Variants in MROH2A observed in about 807,000 individuals in gnomAD.
The protein encoded by MROH2A is maestro heat-like repeat-containing protein family member 2A.
A neutral mutation model predicts 200.4 loss-of-function variants in MROH2A; 174 were observed. That is an observed-to-expected ratio of 0.87 (90% CI 0.77 to 0.98). The LOEUF (loss-of-function observed/expected upper bound fraction) is 0.98. Ranked by LOEUF, MROH2A falls within the 50% of genes least tolerant of loss-of-function variation. The pLI, the probability that MROH2A is intolerant of heterozygous loss-of-function variation, is 0.00. For missense variants in MROH2A, 2,045 were observed against 2,139.6 expected (o/e 0.96, Z 0.87); for synonymous variants, 829 against 840.4 (o/e 0.99, Z 0.23).
At chr2:233,782,758 G>A (rs940651099) in intron 3 of MROH2A, among the ~76,000 whole-genome samples, 2 of 152,132 alleles carry the variant, frequency 1.3e-5, no homozygotes, top group Non-Finnish European at 1.5e-5. Context: ...ATGTTGAAGA[G>A]CAGTGGTAAA....
rs1049011861 is a variant in MROH2A, at chr2:233,818,108, G to A, written c.3068G>A (p.Ser1023Asn). The A allele has an allele frequency of 2.6e-6, 4 of 1,550,638 alleles. No homozygotes were observed. In the African/African-American group the frequency reaches 5.5e-5, roughly 21 times the overall value. Residue 1023 changes from serine to asparagine, a missense_variant, in exon 28 of 42, where the codon AGC (serine) becomes AAC (asparagine). Physicochemically the swap from Ser to Asn is conservative, Grantham distance 46 (BLOSUM62 1). Transcript: ENST00000389758. ...TRMASMNVLS[S>N]LLDLHASQTC... ...ATGGCCTCAATGAATGTCCTGTCCA[G>A]CCTGCTAGATCTTCACGGTATGAGA...
At position 233,813,822 on chromosome 2, in the gene MROH2A, G is replaced by A. The variant is rs77711235; in HGVS notation, c.2760+44G>A. 9.6e-3 allele frequency: 10,748 copies of A among 1,124,706 alleles called. 620 individuals are homozygous for A. The East Asian group carries it at 0.16, about 17-fold the overall frequency. 69.7% of individuals were successfully genotyped at this position (1,124,706 alleles called of 1,614,324 possible). A position where few individuals can be genotyped will look rare whatever the true frequency, so the allele number is the denominator to read the frequency against. On this transcript the variant is annotated intron_variant, in intron 25 of 41. Transcript: ENST00000389758. The stretch of plus-strand genomic sequence containing the variant: ...CCTCATTTGCTGGGTCAGGACCTGG[G>A]AGTTAACATTAACATGGGCCATGCT...
At chr2:233,796,500 A>AC (rs1702121491) in intron 11 of MROH2A, among the ~76,000 whole-genome samples, 187 bp downstream of exon 11, 1 of 151,780 alleles carries the variant, frequency 6.6e-6, no homozygotes, top group Non-Finnish European at 1.5e-5. Flanking sequence ...ACTGTGGCTT[A>AC]CCCTCCCCAC....
intron 3 of MROH2A, among the ~76,000 whole-genome samples, chr2:233,785,036 C>T (rs1701128006): frequency 6.6e-6 from 1 of 152,064 alleles, no homozygotes; most frequent in Non-Finnish European, 1.5e-5. Flanking sequence ...ATCCCAGCTA[C>T]CCGGGAGGCT....
At chr2:233,811,779 A>G (rs1012202057) in intron 23 of MROH2A, 101 bp from the exon 24 acceptor site, 2 of 769,658 alleles carry the variant, frequency 2.6e-6, no homozygotes, top group East Asian at 2.7e-5. Context: ...GTGGGGTGTT[A>G]GACACTTTGG....
At chr2:233,808,575 A>G (rs1438753999) in intron 21 of MROH2A, among the ~76,000 whole-genome samples, 1 of 152,222 alleles carries the variant, frequency 6.6e-6, no homozygotes, top group Non-Finnish European at 1.5e-5. Flanking sequence ...GCTTTTCTGC[A>G]AAGAGGACCC....
At position 233,822,974 on chromosome 2, in the gene MROH2A, G is replaced by A; in HGVS notation, c.3960G>A (p.Leu1320=). Residue 1320 remains leucine (L), a synonymous_variant, in exon 34 of 42, where the codon CTG becomes CTA. Transcript: ENST00000389758. ...ACGAGCAGGCAGTGTGGGACCTCCT[G>A]CAGGACGGCGGGACATTCCTGGAGG... ...TLDEQAVWDL[L]QDGGTFLEGV... 2 of 1,550,568 alleles carry A rather than the reference G, an allele frequency of 1.3e-6. No individual in the cohort carries two copies. The highest frequency in any genetic ancestry group is 1.7e-6 in the Non-Finnish European group (2 of 1,146,982).
upstream of MROH2A, among the ~76,000 whole-genome samples, chr2:233,776,806 C>T (rs187785207): frequency 6.6e-6 from 1 of 152,316 alleles, no homozygotes; most frequent in African/African-American, 2.4e-5. Context: ...ATTTCTCCAG[C>T]CTGTGGGTCC....
Position 233,833,136 on chromosome 2 carries a change from A to G in MROH2A, c.4904-2A>G. ...ACCTTCCCTCTTTGTGTTCTCTCTC[A>G]GCCCTCCAGGAACTACAGCTGGACC... On this transcript the variant is annotated splice_acceptor_variant, in intron 41 of 41. Coordinates refer to ENST00000389758, the MANE Select transcript of MROH2A (RefSeq NM_001394639.1). LOFTEE classifies it high-confidence loss of function. 1 of 1,542,220 alleles carries G rather than the reference A, an allele frequency of 6.5e-7. No individual in the cohort carries two copies. The highest frequency in any genetic ancestry group is 8.7e-7 in the Non-Finnish European group (1 of 1,143,804).
At position 233,795,549 on chromosome 2, in the gene MROH2A, A is replaced by G. The variant is rs375001635; in HGVS notation, c.967-104A>G. 2.4e-5 allele frequency: 37 copies of G among 1,512,090 alleles called. No individual in the cohort carries two copies. The African/African-American group carries it at 4.1e-4, about 17-fold the overall frequency. The allele number at this position is 1,512,090 out of a possible 1,614,324, so 93.7% of individuals were successfully genotyped here. A position where few individuals can be genotyped will look rare whatever the true frequency, so the allele number is the denominator to read the frequency against. On this transcript the variant is annotated intron_variant, in intron 8 of 41. Coordinates refer to ENST00000389758, the MANE Select transcript of MROH2A (RefSeq NM_001394639.1). ...TGCATTTCTAATCAGCTCCCAGGGA[A>G]TGCTGGTGCTCAGTGGGTCAGTGGG...
rs772393040 is a variant in MROH2A at position 233,822,154 on chromosome 2, G to A, written c.3543G>A (p.Ser1181=). Residue 1181 remains serine (S), a synonymous_variant, in exon 32 of 42, where the codon TCG becomes TCA. Transcript: ENST00000389758. ...SHLAEVWLAV[S]ENVPFARTML... ...TGGCAGAGGTGTGGCTGGCAGTGTCGGAGAACGTGCCCTTCGCCCGGACCA... is the reference window on the plus strand; with the variant it reads ...TGGCAGAGGTGTGGCTGGCAGTGTCAGAGAACGTGCCCTTCGCCCGGACCA... The A allele has an allele frequency of 3.2e-5, 50 of 1,549,910 alleles. No homozygotes were observed. Among genetic ancestry groups the A allele is most frequent in the East Asian group, 2.0e-4 (8 of 40,932 alleles).
chr2:233,787,018 A>G (rs1023579775), intron 3 of MROH2A, among the ~76,000 whole-genome samples: 1 of 152,172 alleles, frequency 6.6e-6, no homozygotes, highest in Non-Finnish European at 1.5e-5. Context: ...ACAGAGATGT[A>G]AAGTAGCCTT....
At chr2:233,827,295 A>G (rs928783432) in intron 35 of MROH2A, among the ~76,000 whole-genome samples, 5 of 152,212 alleles carry the variant, frequency 3.3e-5, no homozygotes, top group African/African-American at 7.2e-5. Flanking sequence ...AGCACTATTC[A>G]CAATAACAAA....
intron 5 of MROH2A, 63 bp downstream of exon 5, chr2:233,790,077 C>T (rs2126100576): frequency 7.1e-7 from 1 of 1,403,920 alleles, no homozygotes. Flanking sequence ...CTCTCTCTGC[C>T]CCTCCCATCT....
intron 38 of MROH2A, 63 bp from the exon 39 acceptor site, chr2:233,831,346 T>G: frequency 6.8e-7 from 1 of 1,478,848 alleles, no homozygotes; most frequent in Non-Finnish European, 9.0e-7. Context: ...CCTGCCAGCC[T>G]CACCCCTCTG....
intron 19 of MROH2A, among the ~76,000 whole-genome samples, chr2:233,806,966 G>A (rs886144417): frequency 1.3e-5 from 2 of 151,748 alleles, no homozygotes; most frequent in South Asian, 2.1e-4. Flanking sequence ...CCCTGAGTCC[G>A]CAAAGTCCAT....
upstream of MROH2A, chr2:233,778,306 C>T (rs919310508): frequency 6.0e-6 from 1 of 166,946 alleles, no homozygotes; most frequent in East Asian, 1.9e-4. Flanking sequence ...TCTAGTGAAA[C>T]CCTCCCACCC....
intron 26 of MROH2A, 31 bp downstream of exon 26, chr2:233,814,708 G>C: frequency 6.8e-7 from 1 of 1,461,466 alleles, no homozygotes; most frequent in Middle Eastern, 1.7e-4. Flanking sequence ...CCAGAGCCAG[G>C]GATGGCCACT....
intron 1 of MROH2A, among the ~76,000 whole-genome samples, chr2:233,779,084 T>C (rs1390969268): frequency 6.6e-6 from 1 of 152,196 alleles, no homozygotes; most frequent in Non-Finnish European, 1.5e-5. Context: ...GTAGAATGTT[T>C]CTGTTCAATC....
Sources: allele counts gnomAD v4.1 joint callset (sites outside exome capture counted in the v4.1 genomes callset), GRCh38; gene constraint gnomAD v4.1.1; transcripts MANE v1.5; gene names NCBI Gene and HGNC (gene_info 2026-07-23, HGNC 2026-07-21).